KSR1: variants seen among roughly 807,000 people sequenced by gnomAD.
The protein encoded by KSR1 is kinase suppressor of ras 1.
In KSR1, 35 loss-of-function variants were observed where a neutral mutation model predicts 92.9. That is an observed-to-expected ratio of 0.38 (90% CI 0.29 to 0.50). KSR1 has a LOEUF of 0.50. KSR1 is among the 20% of genes least tolerant of loss of function. The pLI, the probability that KSR1 is intolerant of heterozygous loss-of-function variation, is 0.94. For synonymous variants in KSR1, 467 were observed against 472.6 expected, an observed-to-expected ratio of 0.99 and a Z score of 0.15; for missense variants, 972 against 1,158.5, an observed-to-expected ratio of 0.84 and a Z score of 2.34.
chr17:27,539,486 C>T (rs1014109187), intron 1 of KSR1, among the ~76,000 whole-genome samples: 4 of 152,196 alleles, frequency 2.6e-5, no homozygotes, highest in African/African-American at 4.8e-5. Context: ...GGTGTCTGTG[C>T]GGACACATCT....
Position 27,582,822 on chromosome 17 carries a change from C to T in KSR1, c.697C>T (p.Leu233=). The change falls in exon 4 of 21, where the codon CTG becomes TTG. Residue 233 remains leucine, a synonymous_variant. Transcript: ENST00000644974. ...QGPRSISVSA[L]PASDSPTPSF... is the part of the protein sequence containing the mutation. Reference sequence around the variant, plus strand: ...CCCACGCTCCATCTCCGTGTCAGCTCTGCCCGCCTCAGACTCCCCCACCCC... The same window carrying T: ...CCCACGCTCCATCTCCGTGTCAGCTTTGCCCGCCTCAGACTCCCCCACCCC... 1 of 1,613,490 alleles carries T rather than the reference C, an allele frequency of 6.2e-7. No homozygotes were observed. The highest frequency in any genetic ancestry group is 8.5e-7 in the Non-Finnish European group (1 of 1,179,672).
chr17:27,577,894 G>T lies in KSR1; in HGVS notation c.520+255G>T, dbSNP rs1279487857. On this transcript the variant is annotated intron_variant, in intron 3 of 20. Transcript: ENST00000644974. This position sits in a 1 kb window ranked among gnomAD's most constrained non-coding sequence, Gnocchi z 4.5. Reference sequence around the variant, plus strand: ...TAGAAATCCCAGGCCTGTCTGCTGGGCTGGGCTGGCCTGGCATGGTTTCCT... The same window carrying T: ...TAGAAATCCCAGGCCTGTCTGCTGGTCTGGGCTGGCCTGGCATGGTTTCCT... 1 of 620,744 alleles carries T rather than the reference G, an allele frequency of 1.6e-6. No homozygotes were observed. The highest frequency in any genetic ancestry group is 3.0e-5 in the East Asian group (1 of 33,876). The allele number at this position is 620,744 out of a possible 1,614,324, so 38.5% of individuals were successfully genotyped here. A position where few individuals can be genotyped will look rare whatever the true frequency, so the allele number is the denominator to read the frequency against.
At chr17:27,598,480 ATC>A (rs1208328792) in intron 10 of KSR1, among the ~76,000 whole-genome samples, 2 of 152,074 alleles carry the variant, frequency 1.3e-5, no homozygotes, top group Admixed American at 6.6e-5. Context: ...TCTTGTAGGA[ATC>A]TCTCTCTTTG....
intron 1 of KSR1, among the ~76,000 whole-genome samples, chr17:27,514,568 G>A (rs760397654): frequency 6.6e-6 from 1 of 151,766 alleles, no homozygotes; most frequent in African/African-American, 2.4e-5. Context: ...GCTGAGGCAG[G>A]AGAATCCCTT....
chr17:27,465,875 G>A (rs1446359576), intron 1 of KSR1, among the ~76,000 whole-genome samples: 2 of 151,368 alleles, frequency 1.3e-5, no homozygotes, highest in African/African-American at 2.4e-5. Context: ...AAAAAAAAAA[G>A]CCACCTGAAT....
chr17:27,496,272 T>C (rs953845131), intron 1 of KSR1, among the ~76,000 whole-genome samples: 2 of 152,120 alleles, frequency 1.3e-5, no homozygotes, highest in South Asian at 2.1e-4. Flanking sequence ...GAGAGAGCCA[T>C]GATGCTGCTT....
At chr17:27,548,825 CAAAAAA>C (rs545406045) in intron 1 of KSR1, among the ~76,000 whole-genome samples, 6 of 140,162 alleles carry the variant, frequency 4.3e-5, no homozygotes, top group Admixed American at 1.4e-4. Flanking sequence ...GTGACCATCT[CAAAAAA>C]AAAAAAAGAA....
At chr17:27,488,585 A>G (rs1227172636) in intron 1 of KSR1, among the ~76,000 whole-genome samples, 1 of 152,198 alleles carries the variant, frequency 6.6e-6, no homozygotes, top group Non-Finnish European at 1.5e-5. Flanking sequence ...CTTTGGGAGC[A>G]CTTTGGGAGG....
chr17:27,503,644 T>C (rs2069271223), intron 1 of KSR1, among the ~76,000 whole-genome samples: 1 of 152,204 alleles, frequency 6.6e-6, no homozygotes, highest in African/African-American at 2.4e-5. Flanking sequence ...CGTGGAAGCA[T>C]TGCACTCTCC....
chr17:27,595,598 C>G (rs561610985), intron 9 of KSR1, among the ~76,000 whole-genome samples: 1 of 152,184 alleles, frequency 6.6e-6, no homozygotes, highest in African/African-American at 2.4e-5. Context: ...GAAGCTGGAG[C>G]TTAGGCCTCT....
chr17:27,611,727 G>A (rs1392557451), intron 18 of KSR1, 98 bp downstream of exon 18: 23 of 1,435,232 alleles, frequency 1.6e-5, no homozygotes, highest in East Asian at 9.3e-5. Context: ...AAATGGGGTC[G>A]GTGAGGAGCT....
At position 27,530,497 on chromosome 17, in the gene KSR1, C is replaced by A. The variant is rs370211295; in HGVS notation, c.232-20071C>A. Among the ~76,000 whole-genome samples the A allele has an allele frequency of 9.9e-5, 15 of 152,092 alleles. No homozygotes were observed. The East Asian group carries it at 1.2e-3, about 12-fold the overall frequency. On this transcript the variant is annotated intron_variant, in intron 1 of 20. Transcript: ENST00000644974. ...CAGATGGAGTAACCAGCAAAGCCGACCTTAGTGGTGAGGCTGGGCATGGCG... is the reference window on the plus strand; with the variant it reads ...CAGATGGAGTAACCAGCAAAGCCGAACTTAGTGGTGAGGCTGGGCATGGCG...
chr17:27,457,018 G>C, intron 1 of KSR1, 144 bp downstream of exon 1: 2 of 644,642 alleles, frequency 3.1e-6, no homozygotes, highest in Non-Finnish European at 5.5e-6. Context: ...TCGCTGATGC[G>C]GCAGCCGGAG....
At chr17:27,570,913 T>A (rs1439943862) in intron 2 of KSR1, among the ~76,000 whole-genome samples, 1 of 152,216 alleles carries the variant, frequency 6.6e-6, no homozygotes, top group East Asian at 1.9e-4. Context: ...ATTTTTAAAG[T>A]CCCTGGAAAA....
chr17:27,601,847 C>CGGGCTTCTCTTAGT, intron 11 of KSR1: 2 of 1,448,766 alleles, frequency 1.4e-6, no homozygotes, highest in Non-Finnish European at 1.9e-6. Flanking sequence ...GGAAGGTCTG[C>CGGGCTTCTCTTAGT]GGGCTTCTCT....
chr17:27,558,671 T>G (rs1243490191), intron 2 of KSR1, among the ~76,000 whole-genome samples: 1 of 151,804 alleles, frequency 6.6e-6, no homozygotes, highest in African/African-American at 2.4e-5. Context: ...CAGGACTCTT[T>G]CAATATTTGT....
intron 1 of KSR1, among the ~76,000 whole-genome samples, chr17:27,462,122 C>G (rs567633910): frequency 1.2e-4 from 18 of 152,292 alleles, no homozygotes; most frequent in African/African-American, 4.3e-4. Flanking sequence ...CGTGCTTGAT[C>G]ACCTGTTCTA....
chr17:27,524,163 A>G (rs1012850119), intron 1 of KSR1, among the ~76,000 whole-genome samples: 5 of 151,886 alleles, frequency 3.3e-5, no homozygotes, highest in African/African-American at 1.2e-4. Context: ...AGTCCTGGGA[A>G]GGAGGCTGCT....
At chr17:27,460,720 G>T (rs1409540939) in intron 1 of KSR1, among the ~76,000 whole-genome samples, 1 of 152,318 alleles carries the variant, frequency 6.6e-6, no homozygotes, top group Admixed American at 6.5e-5. Flanking sequence ...CCACCGTGTG[G>T]GGGACCTGAG....
Sources: gnomAD v4.1 joint callset for allele counts (sites outside exome capture counted in the v4.1 genomes callset) on GRCh38, gnomAD v4.1.1 for gene constraint, Gnocchi (gnomAD v3.1) non-coding constraint, MANE v1.5 for transcripts, NCBI Gene and HGNC (gene_info 2026-07-23, HGNC 2026-07-21) for gene names.